OTUD7A: variants seen among roughly 807,000 people sequenced by gnomAD.
OTUD7A encodes OTU deubiquitinase 7A, also known as OTU domain-containing protein 7A.
OTUD7A carries 12 observed loss-of-function variants against 65.7 expected under a neutral mutation model. That is an observed-to-expected ratio of 0.18 (90% CI 0.12 to 0.30). The LOEUF (loss-of-function observed/expected upper bound fraction) is 0.30, where lower values mean the gene tolerates loss of function less well. Ranked by LOEUF, OTUD7A falls within the 10% of genes least tolerant of loss-of-function variation. The pLI is 1.00. For synonymous variants in OTUD7A, 641 were observed against 586.3 expected (o/e 1.09, Z -1.35); for missense variants, 1,148 against 1,304.8 (o/e 0.88, Z 1.85).
chr15:31,492,177 AAAT>A (rs1302819157), intron 10 of OTUD7A, among the ~76,000 whole-genome samples: 10 of 152,248 alleles, frequency 6.6e-5, no homozygotes, highest in Non-Finnish European at 1.3e-4. Context: ...ACAGATGTAA[AAAT>A]AAAATGTCTG....
At chr15:31,499,381 T>C (rs1201293613) in intron 10 of OTUD7A, among the ~76,000 whole-genome samples, 21 of 152,078 alleles carry the variant, frequency 1.4e-4, no homozygotes, top group Admixed American at 1.4e-3. Context: ...TGGGGCTCGA[T>C]ATTCTGGAGT....
intron 1 of OTUD7A, among the ~76,000 whole-genome samples, chr15:31,824,659 C>T (rs1261438161): frequency 6.6e-6 from 1 of 152,228 alleles, no homozygotes; most frequent in Non-Finnish European, 1.5e-5. Context: ...GATATTCACA[C>T]ATCCGCTCCC....
chr15:31,625,307 A>T (rs556031030), intron 3 of OTUD7A, among the ~76,000 whole-genome samples: 56 of 152,264 alleles, frequency 3.7e-4, no homozygotes, highest in African/African-American at 1.3e-3. Flanking sequence ...TGTAAGAAAT[A>T]TATGATGGTT....
chr15:31,709,109 G>A (rs2141334693), intron 1 of OTUD7A, among the ~76,000 whole-genome samples: 1 of 151,638 alleles, frequency 6.6e-6, no homozygotes, highest in African/African-American at 2.4e-5. Context: ...CCACTCCCAG[G>A]TCGTGCCCAG....
At chr15:31,502,396 C>T (rs1344289802) in intron 9 of OTUD7A, among the ~76,000 whole-genome samples, 1 of 152,194 alleles carries the variant, frequency 6.6e-6, no homozygotes, top group African/African-American at 2.4e-5. Context: ...CTAACACCCT[C>T]AGCAAAATAG....
chr15:31,618,529 A>G (rs574631444), intron 3 of OTUD7A, among the ~76,000 whole-genome samples: 4 of 152,256 alleles, frequency 2.6e-5, no homozygotes, highest in Non-Finnish European at 5.9e-5. Flanking sequence ...CTGATGGCCA[A>G]TGATGATGAG....
intron 3 of OTUD7A, among the ~76,000 whole-genome samples, chr15:31,576,607 G>A (rs1889210758): frequency 6.6e-6 from 1 of 152,126 alleles, no homozygotes; most frequent in Non-Finnish European, 1.5e-5. Context: ...ACCCCACTGT[G>A]CCCTGACCAC....
intron 8 of OTUD7A, among the ~76,000 whole-genome samples, chr15:31,507,537 C>G (rs1040804188): frequency 6.6e-6 from 1 of 151,946 alleles, no homozygotes; most frequent in Non-Finnish European, 1.5e-5. Flanking sequence ...GGCACGGACC[C>G]AAAGAGTGAG....
At chr15:31,573,841 C>T (rs1889123961) in intron 3 of OTUD7A, among the ~76,000 whole-genome samples, 1 of 152,186 alleles carries the variant, frequency 6.6e-6, no homozygotes, top group Admixed American at 6.5e-5. Context: ...GTGGAGGTTG[C>T]AGTGAGCTGA....
chr15:31,589,300 TG>T (rs1404880864), intron 3 of OTUD7A, among the ~76,000 whole-genome samples: 30 of 133,914 alleles, frequency 2.2e-4, no homozygotes, highest in African/African-American at 9.8e-4. Context: ...TTTGTTTTTC[TG>T]GGTTTTTTTT....
At chr15:31,610,779 G>A (rs1022063240) in intron 3 of OTUD7A, among the ~76,000 whole-genome samples, 5 of 151,008 alleles carry the variant, frequency 3.3e-5, no homozygotes, top group African/African-American at 9.7e-5. Context: ...CCGCCACCAC[G>A]CCTGGCTAAT....
intron 3 of OTUD7A, among the ~76,000 whole-genome samples, chr15:31,619,329 G>A (rs563662559): frequency 1.3e-5 from 2 of 152,182 alleles, no homozygotes; most frequent in Non-Finnish European, 2.9e-5. Flanking sequence ...CTGGTAGCTT[G>A]ATGGGGATGG....
intron 3 of OTUD7A, among the ~76,000 whole-genome samples, chr15:31,613,889 C>G (rs932753528): frequency 6.6e-6 from 1 of 151,972 alleles, no homozygotes; most frequent in African/African-American, 2.4e-5. Context: ...TGGAACCAAC[C>G]CAAATGTCCA....
chr15:31,545,984 T>G (rs906361954), intron 5 of OTUD7A, among the ~76,000 whole-genome samples: 1 of 152,188 alleles, frequency 6.6e-6, no homozygotes, highest in Admixed American at 6.5e-5. Flanking sequence ...AATCTTGAAT[T>G]TGCTGTGTGC....
At chr15:31,723,312 C>T (rs1453739575) in intron 1 of OTUD7A, among the ~76,000 whole-genome samples, 1 of 151,902 alleles carries the variant, frequency 6.6e-6, no homozygotes, top group African/African-American at 2.4e-5. Context: ...GTTTGTGGTG[C>T]CAGTGCTACA....
chr15:31,639,088 C>T (rs1466007634), intron 3 of OTUD7A, among the ~76,000 whole-genome samples: 6 of 151,732 alleles, frequency 4.0e-5, no homozygotes, highest in Admixed American at 3.9e-4. Flanking sequence ...GAGACGAGCT[C>T]GCGCCACCGC....
chr15:31,563,715 A>G (rs1888769984), intron 4 of OTUD7A, among the ~76,000 whole-genome samples: 1 of 152,232 alleles, frequency 6.6e-6, no homozygotes, highest in Admixed American at 6.5e-5. Context: ...CTTGGCGGTT[A>G]CACCAGAGCA....
chr15:31,523,144 T>C (rs548836457), intron 8 of OTUD7A, among the ~76,000 whole-genome samples: 3 of 152,360 alleles, frequency 2.0e-5, no homozygotes, highest in Middle Eastern at 3.4e-3. Context: ...TTCTGGTTAC[T>C]TTCCTGTGCA....
At chr15:31,798,216 G>A (rs908455699) in intron 1 of OTUD7A, among the ~76,000 whole-genome samples, 1 of 152,044 alleles carries the variant, frequency 6.6e-6, no homozygotes, top group African/African-American at 2.4e-5. Flanking sequence ...TGGGGGGGTG[G>A]GGGTCCCAAT....
Sources: allele counts gnomAD v4.1 joint callset (sites outside exome capture counted in the v4.1 genomes callset), GRCh38; gene constraint gnomAD v4.1.1; transcripts MANE v1.5; gene names NCBI Gene and HGNC (gene_info 2026-07-23, HGNC 2026-07-21).